The following NELL1 variants were observed in gnomAD, a reference collection of about 807,000 sequenced individuals.
The protein encoded by NELL1 is protein kinase C-binding protein NELL1.
A neutral mutation model predicts 107.4 loss-of-function variants in NELL1; 76 were observed. The ratio of observed to expected loss-of-function variants is 0.71; its 90% CI spans 0.59 to 0.86. The LOEUF is 0.86. Ranked by LOEUF, NELL1 falls within the 40% of genes least tolerant of loss-of-function variation. NELL1 has a pLI of 0.00. For synonymous variants in NELL1, 353 were observed against 341.2 expected (o/e 1.03, Z -0.38); for missense variants, 1,024 against 1,005.5 (o/e 1.02, Z -0.25).
intron 4 of NELL1, among the ~76,000 whole-genome samples, chr11:20,882,663 G>C (rs1849432009): frequency 6.6e-6 from 1 of 152,122 alleles, no homozygotes; most frequent in Non-Finnish European, 1.5e-5. Context: ...TTTCACTTAA[G>C]TATATACTGC....
chr11:21,304,228 A>G (rs927696845), intron 14 of NELL1, among the ~76,000 whole-genome samples: 2 of 152,080 alleles, frequency 1.3e-5, no homozygotes. Context: ...GCCATTTAAC[A>G]TGTACTTAGA....
chr11:21,095,145 A>C (rs1854610857), intron 12 of NELL1, among the ~76,000 whole-genome samples: 1 of 152,214 alleles, frequency 6.6e-6, no homozygotes, highest in African/African-American at 2.4e-5. Flanking sequence ...AAAGTTCCAC[A>C]CATCTCTAGG....
intron 15 of NELL1, among the ~76,000 whole-genome samples, chr11:21,526,869 G>T (rs1855867803): frequency 6.6e-6 from 1 of 152,192 alleles, no homozygotes; most frequent in African/African-American, 2.4e-5. Flanking sequence ...AGGCCTCCAG[G>T]CCTGTGATGG....
intron 15 of NELL1, among the ~76,000 whole-genome samples, chr11:21,505,568 T>C (rs1281001462): frequency 1.3e-5 from 2 of 152,212 alleles, no homozygotes; most frequent in Non-Finnish European, 2.9e-5. Context: ...CAATGTTTCC[T>C]GAACACTGTA....
intron 2 of NELL1, among the ~76,000 whole-genome samples, chr11:20,721,556 T>C (rs1855388997): frequency 1.3e-5 from 2 of 152,138 alleles, no homozygotes; most frequent in African/African-American, 4.8e-5. Context: ...AAATGATATG[T>C]GTCAATTCTG....
chr11:20,930,680 G>A (rs997227702), intron 9 of NELL1, among the ~76,000 whole-genome samples: 1 of 152,126 alleles, frequency 6.6e-6, no homozygotes, highest in East Asian at 1.9e-4. Context: ...CCTCTCACTA[G>A]ACGTGTGTGG....
At chr11:21,421,838 G>C (rs746801739) in intron 15 of NELL1, among the ~76,000 whole-genome samples, 1 of 152,072 alleles carries the variant, frequency 6.6e-6, no homozygotes, top group Non-Finnish European at 1.5e-5. Context: ...CCCAAACTGA[G>C]ATACATTATA....
chr11:21,238,030 G>A (rs2133894351), intron 14 of NELL1, among the ~76,000 whole-genome samples: 1 of 152,012 alleles, frequency 6.6e-6, no homozygotes, highest in South Asian at 2.1e-4. Context: ...ATGTCCACTT[G>A]GATCCCTTAC....
intron 15 of NELL1, among the ~76,000 whole-genome samples, chr11:21,519,300 T>G (rs1225295466): frequency 6.6e-6 from 1 of 152,210 alleles, no homozygotes; most frequent in Non-Finnish European, 1.5e-5. Context: ...AGTAGAGTTC[T>G]CAGATGATTC....
intron 12 of NELL1, among the ~76,000 whole-genome samples, chr11:20,986,230 C>T (rs925407819): frequency 2.6e-5 from 4 of 152,136 alleles, no homozygotes; most frequent in Non-Finnish European, 5.9e-5. Context: ...AAGTTAGTCT[C>T]AAAAGAGAAT....
At chr11:21,055,912 G>C (rs1167955877) in intron 12 of NELL1, among the ~76,000 whole-genome samples, 2 of 152,108 alleles carry the variant, frequency 1.3e-5, no homozygotes, top group East Asian at 1.9e-4. Context: ...GGAAAGGAGG[G>C]CTAAACAGCA....
At chr11:21,080,224 G>A (rs1245988174) in intron 12 of NELL1, among the ~76,000 whole-genome samples, 2 of 151,794 alleles carry the variant, frequency 1.3e-5, no homozygotes, top group African/African-American at 2.4e-5. Context: ...AAGCAATACA[G>A]CACGTCATAA....
Position 21,319,087 on chromosome 11 carries a change from T to C in NELL1, c.1550-51766T>C, listed in dbSNP as rs932051281. Among the ~76,000 whole-genome samples, 5 of 152,116 alleles carry C rather than the reference T, an allele frequency of 3.3e-5. No individual in the cohort carries two copies. The East Asian group carries it at 9.7e-4, about 29-fold the overall frequency. On this transcript the variant is annotated intron_variant, in intron 14 of 19. Transcript: ENST00000357134. ...TATGATTCCTCAAATTAGAATATTC[T>C]AAGTAGAGCCTCGTTTAACTACTAA...
chr11:20,922,522 A>AAT (rs1349279091), intron 7 of NELL1, among the ~76,000 whole-genome samples: 19 of 152,020 alleles, frequency 1.2e-4, no homozygotes, highest in Non-Finnish European at 1.5e-5. Context: ...CTTGAAGTTG[A>AAT]ATATGGTTCG....
chr11:21,342,852 C>A (rs868126134), intron 14 of NELL1, among the ~76,000 whole-genome samples: 1 of 151,976 alleles, frequency 6.6e-6, no homozygotes, highest in Non-Finnish European at 1.5e-5. Context: ...ACTGAACATT[C>A]CTTACAGTGA....
chr11:21,487,658 G>C (rs1408394323), intron 15 of NELL1, among the ~76,000 whole-genome samples: 1 of 151,876 alleles, frequency 6.6e-6, no homozygotes, highest in Non-Finnish European at 1.5e-5. Flanking sequence ...TGAACAATAT[G>C]ACAAAAACCC....
chr11:21,146,156 TGTGTA>T (rs954081386), intron 13 of NELL1, among the ~76,000 whole-genome samples: 6 of 152,164 alleles, frequency 3.9e-5, no homozygotes, highest in African/African-American at 1.4e-4. Flanking sequence ...TAAAATCTTC[TGTGTA>T]GTGTCTGGTG....
chr11:20,678,743 G>A (rs527391970), intron 2 of NELL1, among the ~76,000 whole-genome samples: 2 of 152,252 alleles, frequency 1.3e-5, no homozygotes, highest in East Asian at 3.9e-4. Flanking sequence ...TGGAAAGGCA[G>A]AAAAATAACT....
At chr11:20,748,757 A>C (rs1336575412) in intron 2 of NELL1, among the ~76,000 whole-genome samples, 5 of 152,132 alleles carry the variant, frequency 3.3e-5, no homozygotes, top group Admixed American at 6.6e-5. Context: ...TTTATGGCTA[A>C]ATAGTATTCC....
Sources: gnomAD v4.1 joint callset for allele counts (sites outside exome capture counted in the v4.1 genomes callset) on GRCh38, gnomAD v4.1.1 for gene constraint, MANE v1.5 for transcripts, NCBI Gene and HGNC (gene_info 2026-07-23, HGNC 2026-07-21) for gene names.